The following MDN1 variants were observed in gnomAD, a reference collection of about 807,000 sequenced individuals.
MDN1 encodes the protein midasin AAA ATPase 1, also known as midasin.
MDN1 carries 266 observed loss-of-function variants against 669.2 expected under a neutral mutation model. The ratio of observed to expected loss-of-function variants is 0.40; its 90% CI spans 0.36 to 0.44. The LOEUF (loss-of-function observed/expected upper bound fraction) is 0.44. Ranked by LOEUF, MDN1 falls within the 20% of genes least tolerant of loss-of-function variation. The pLI, the probability that MDN1 is intolerant of heterozygous loss-of-function variation, is 1.00. For missense variants in MDN1, 5,940 were observed against 6,754.0 expected (o/e 0.88, Z 4.22); for synonymous variants, 2,385 against 2,457.1 (o/e 0.97, Z 0.87).
rs1814202611 is a variant in MDN1, at chr6:89,714,661, A to G, written c.6951T>C (p.Asp2317=). 6.2e-7 allele frequency: 1 copy of G among 1,614,142 alleles called. No homozygotes were observed. Among genetic ancestry groups the G allele is most frequent in the Non-Finnish European group, 8.5e-7 (1 of 1,179,978 alleles). Residue 2317 remains aspartate, a synonymous_variant, in exon 46 of 102, where the codon GAT becomes GAC. Transcript: ENST00000369393. ...AATCCAGGTTGTCTGGGGTGCTTGC[A>G]TCCCCTTCCCCTGAAATGTAGATTT... is the stretch of plus-strand genomic sequence containing the variant. ...GLEIYISGEG[D]ASTPDNLDLK...
chr6:89,772,142 G>A (rs1394194267), intron 14 of MDN1, among the ~76,000 whole-genome samples: 1 of 152,254 alleles, frequency 6.6e-6, no homozygotes, highest in South Asian at 2.1e-4. Flanking sequence ...GCACACACCT[G>A]TAGTCTCAGC....
In MDN1 at chr6:89,695,727, G is replaced by A. The variant is rs769198707; in HGVS notation, c.9649C>T (p.Pro3217Ser). 6.2e-7 allele frequency: 1 copy of A among 1,613,710 alleles called. No individual in the cohort carries two copies. The highest frequency in any genetic ancestry group is 1.1e-5 in the South Asian group (1 of 91,080). The change falls in exon 61 of 102, where the codon CCA becomes TCA. Residue 3217 changes from proline (P) to serine (S), a missense_variant. Physicochemically the swap from Pro to Ser is moderately conservative, Grantham distance 74 (BLOSUM62 -1). Around this residue, in one of 5 missense-constraint regions of MDN1, gnomAD observed 2,292 missense variants for 2,638.3 expected, o/e 0.87. Transcript: ENST00000369393. The surrounding 1 kb of genome is among the most constrained non-coding windows in gnomAD (Gnocchi z 4.1). ...ACCCAGAGGCTCCCACGCTGGGCTG[G>A]CTCAGGCAGGCTCCTCTTACTCTCC... ...EGESKRSLPE[P>S]AQRGSLWVSL...
At position 89,658,765 on chromosome 6, in the gene MDN1, C is replaced by T; in HGVS notation, c.14866G>A (p.Glu4956Lys). Reference sequence around the variant, plus strand: ...TGGTCATCAGCTCCTGTGTCCATTTCCTCTTCCCCTTCTGCCTTGTCATCT... The same window carrying T: ...TGGTCATCAGCTCCTGTGTCCATTTTCTCTTCCCCTTCTGCCTTGTCATCT... ...SEDDKAEGEEEMDTGADDQDG... is the reference protein window; with the variant it reads ...SEDDKAEGEEKMDTGADDQDG... The change falls in exon 89 of 102, where the codon GAA (glutamate) becomes AAA (lysine). Residue 4956 changes from glutamate to lysine, a missense_variant. By Grantham distance (56) the Glu-to-Lys change is moderately conservative. Transcript: ENST00000369393. The T allele has an allele frequency of 1.9e-6, 3 of 1,614,174 alleles. No homozygotes were observed. The highest frequency in any genetic ancestry group is 2.5e-6 in the Non-Finnish European group (3 of 1,180,030).
intron 73 of MDN1, among the ~76,000 whole-genome samples, chr6:89,681,251 G>A (rs1057471203): frequency 6.6e-6 from 1 of 151,976 alleles, no homozygotes; most frequent in African/African-American, 2.4e-5. Flanking sequence ...TTGGCTCACT[G>A]CAACCTCCGC....
At chr6:89,705,721 G>A (rs913418762) in intron 53 of MDN1, among the ~76,000 whole-genome samples, 2 of 152,148 alleles carry the variant, frequency 1.3e-5, no homozygotes, top group Non-Finnish European at 2.9e-5. Context: ...TGGCTACCTC[G>A]TTGTGGGTGG....
intron 34 of MDN1, among the ~76,000 whole-genome samples, chr6:89,731,799 C>A (rs1815614307): frequency 1.8e-3 from 4 of 2,228 alleles, no homozygotes; most frequent in Admixed American, 0.023. Context: ...CATAGTACCG[C>A]CCCCCCCCCC....
At position 89,688,582 on chromosome 6, in the gene MDN1, C is replaced by T. The variant is rs774755545; in HGVS notation, c.11250G>A (p.Ala3750=). The change falls in exon 66 of 102, where the codon GCG becomes GCA. Residue 3750 remains alanine, a synonymous_variant. Transcript: ENST00000369393. ...HLLQDWPEHP[A]LEQLLVVMDR... The stretch of plus-strand genomic sequence containing the variant: ...TCAACAGCTGCCCTACCTGTTCAAG[C>T]GCTGGGTGTTCTGGCCAGTCCTGTA... 14 of 1,613,522 alleles carry T rather than the reference C, an allele frequency of 8.7e-6. No individual in the cohort carries two copies. The highest frequency in any genetic ancestry group is 3.3e-5 in the Admixed American group (2 of 60,002).
intron 62 of MDN1, 146 bp from the exon 63 acceptor site, chr6:89,693,294 G>A (rs1812502860): frequency 1.6e-6 from 1 of 619,714 alleles, no homozygotes; most frequent in Non-Finnish European, 2.8e-6. Flanking sequence ...TGATAATACT[G>A]ACAATTAGTT....
At chr6:89,687,795 T>C (rs1812118947) in intron 67 of MDN1, among the ~76,000 whole-genome samples, 1 of 152,146 alleles carries the variant, frequency 6.6e-6, no homozygotes, top group African/African-American at 2.4e-5. Context: ...ACCGTGTATG[T>C]GGGCACTCAG....
intron 15 of MDN1, among the ~76,000 whole-genome samples, chr6:89,765,068 A>C (rs1420911477): frequency 6.6e-6 from 1 of 152,200 alleles, no homozygotes; most frequent in Non-Finnish European, 1.5e-5. Context: ...GATCCTGGCT[A>C]ACATGGTGAA....
chr6:89,716,104 C>T (rs80043935), intron 44 of MDN1, among the ~76,000 whole-genome samples: 27,090 of 152,120 alleles, frequency 0.18, 2,465 homozygotes, highest in East Asian at 0.22. Flanking sequence ...CCATTTAAGG[C>T]AGCTGGATTT....
At position 89,674,380 on chromosome 6, in the gene MDN1, T is replaced by C; in HGVS notation, c.12971A>G (p.Gln4324Arg). 4 of 1,614,200 alleles carry C rather than the reference T, an allele frequency of 2.5e-6. No homozygotes were observed. Among genetic ancestry groups the C allele is most frequent in the Non-Finnish European group, 3.4e-6 (4 of 1,180,024 alleles). ...GGGGCCAGGAGGCTGCCCCAGTACC[T>C]GGACATTGCCATGGCCTGGAGCTGG... ...VGPAPGHGNV[Q>R]VLGQPPGPCL... The change falls in exon 79 of 102, where the codon CAG becomes CGG. Residue 4324 changes from glutamine (Q) to arginine (R), a missense_variant. By Grantham distance (43) the Gln-to-Arg change is conservative (BLOSUM62 1). Around this residue, in one of 5 missense-constraint regions of MDN1, gnomAD observed 2,280 missense variants for 2,576.3 expected, o/e 0.88. Transcript: ENST00000369393.
chr6:89,772,670 C>A lies in MDN1; in HGVS notation c.1986G>T (p.Gln662His). 6.2e-7 allele frequency: 1 copy of A among 1,614,084 alleles called. No homozygotes were observed. Among genetic ancestry groups the A allele is most frequent in the African/African-American group, 1.3e-5 (1 of 75,034 alleles). Residue 662 changes from glutamine to histidine, a missense_variant, in exon 14 of 102, where the codon CAG becomes CAT. Coordinates refer to ENST00000369393, the MANE Select transcript of MDN1 (RefSeq NM_014611.3). ...ATRPSSVLIE[Q>H]LAVCVSKGEP... ...CCCCTTTGCTGACACACACTGCAAGCTGCTCGATGAGAACAGAGGACGGCC... is the reference window on the plus strand; with the variant it reads ...CCCCTTTGCTGACACACACTGCAAGATGCTCGATGAGAACAGAGGACGGCC...
intron 83 of MDN1, among the ~76,000 whole-genome samples, chr6:89,670,170 A>ATATT (rs1444537561): frequency 2.0e-3 from 47 of 23,392 alleles, no homozygotes; most frequent in African/African-American, 8.7e-3. Flanking sequence ...ATATATATAT[A>ATATT]TTTTTTTTTT....
In MDN1 at chr6:89,790,421, G is replaced by A. The variant is rs1234421458; in HGVS notation, c.856-20C>T. 2 of 1,613,360 alleles carry A rather than the reference G, an allele frequency of 1.2e-6. No individual in the cohort carries two copies. The stretch of plus-strand genomic sequence containing the variant: ...ACCACCCTAAAGAGGCAAGACAAAA[G>A]CCATGTCAAGAAGAGTTCTTCCCCC... On this transcript the variant is annotated intron_variant, in intron 5 of 101. Coordinates refer to ENST00000369393, the MANE Select transcript of MDN1 (RefSeq NM_014611.3).
intron 13 of MDN1, among the ~76,000 whole-genome samples, chr6:89,774,073 C>A (rs9342209): frequency 0.36 from 55,046 of 151,968 alleles, 10,562 homozygotes; most frequent in East Asian, 0.68. Flanking sequence ...CTGTCGAAAC[C>A]TTGATTTTAC....
Position 89,662,908 on chromosome 6 carries a change from G to C in MDN1, c.14296C>G (p.Leu4766Val). 6.2e-7 allele frequency: 1 copy of C among 1,614,008 alleles called. No homozygotes were observed. The highest frequency in any genetic ancestry group is 1.1e-5 in the South Asian group (1 of 91,076). Reference protein sequence around the residue: ...GGDLDKHMGDLNGEEADKLDE... With the variant: ...GGDLDKHMGDVNGEEADKLDE... ...AGTTTGTCAGCTTCCTCACCATTGA[G>C]ATCGCCCATGTGTTTATCCAGGTCT... The change falls in exon 86 of 102, where the codon CTC becomes GTC. Residue 4766 changes from leucine to valine, a missense_variant. Leu to Val is a conservative substitution (Grantham distance 32). Around this residue, in one of 5 missense-constraint regions of MDN1, gnomAD observed 2,280 missense variants for 2,576.3 expected, o/e 0.88. Coordinates refer to ENST00000369393, the MANE Select transcript of MDN1 (RefSeq NM_014611.3).
chr6:89,656,601 G>A (rs1391981121), intron 91 of MDN1, 99 bp downstream of exon 91: 1 of 950,694 alleles, frequency 1.1e-6, no homozygotes, highest in Non-Finnish European at 1.6e-6. Context: ...AAAAAAACCA[G>A]GAGTATAGCT....
intron 1 of MDN1, among the ~76,000 whole-genome samples, chr6:89,813,046 T>C (rs1355211977): frequency 6.6e-6 from 1 of 152,038 alleles, no homozygotes; most frequent in Non-Finnish European, 1.5e-5. Flanking sequence ...GTTCAAGAGA[T>C]TCTCCTGCCT....
Sources: gnomAD v4.1 joint callset for allele counts (sites outside exome capture counted in the v4.1 genomes callset) on GRCh38, gnomAD v4.1.1 for gene constraint, gnomAD v4.1.1 regional missense constraint, Gnocchi (gnomAD v3.1) non-coding constraint, MANE v1.5 for transcripts, NCBI Gene and HGNC (gene_info 2026-07-23, HGNC 2026-07-21) for gene names.